The following ABCC1 variants were observed in gnomAD, a reference collection of about 807,000 sequenced individuals.
ABCC1 encodes the protein multidrug resistance-associated protein 1.
ABCC1 carries 83 observed loss-of-function variants against 172.9 expected under a neutral mutation model. The observed-to-expected ratio is 0.48, with a 90% CI of 0.40 to 0.58. ABCC1 has a LOEUF of 0.58. Among genes scored for constraint, ABCC1 ranks in the 20% least tolerant of loss-of-function variants. The pLI is 0.00. For synonymous variants in ABCC1, 937 were observed against 825.2 expected (o/e 1.14, Z -2.32); for missense variants, 1,817 against 2,002.7 (o/e 0.91, Z 1.77).
intron 22 of ABCC1, among the ~76,000 whole-genome samples, chr16:16,112,417 A>G (rs927704760): frequency 6.6e-6 from 1 of 151,770 alleles, no homozygotes; most frequent in Non-Finnish European, 1.5e-5. Context: ...GTGTGGTCCT[A>G]TGGGAGTCCT....
chr16:16,038,043 A>AGGATGGATGGATGGAT (rs150697316), intron 7 of ABCC1, among the ~76,000 whole-genome samples: 3,964 of 151,696 alleles, frequency 0.026, 160 homozygotes, highest in African/African-American at 0.089. Flanking sequence ...CAGAACTAGT[A>AGGATGGATGGATGGAT]GGATGGATGG....
intron 1 of ABCC1, among the ~76,000 whole-genome samples, chr16:15,975,754 C>G (rs2046474887): frequency 6.6e-6 from 1 of 151,712 alleles, no homozygotes; most frequent in African/African-American, 2.4e-5. Context: ...CGGGGTTTCT[C>G]CATGTTGGTA....
Position 16,124,929 on chromosome 16 carries a change from C to G in ABCC1, c.3717+14C>G. On this transcript the variant is annotated intron_variant, in intron 25 of 30. Coordinates refer to ENST00000399410, the MANE Select transcript of ABCC1 (RefSeq NM_004996.4). ...TACTCATTGCAGGTAAGAGGGGATG[C>G]TCTTGGCTGGATTATTAAAGTCTGT... 1 of 1,614,108 alleles carries G rather than the reference C, an allele frequency of 6.2e-7. No homozygotes were observed. Among genetic ancestry groups the G allele is most frequent in the Non-Finnish European group, 8.5e-7 (1 of 1,180,020 alleles).
At chr16:16,087,455 C>G (rs2051055663) in intron 18 of ABCC1, among the ~76,000 whole-genome samples, 1 of 151,752 alleles carries the variant, frequency 6.6e-6, no homozygotes, top group South Asian at 2.1e-4. Context: ...TTTTTTTTCT[C>G]CCCCTGATTT....
At chr16:16,061,936 GC>G (rs2049934938) in intron 12 of ABCC1, among the ~76,000 whole-genome samples, 3 of 151,892 alleles carry the variant, frequency 2.0e-5, no homozygotes, top group Admixed American at 2.0e-4. Context: ...ACCATGCCCA[GC>G]TAATTTCTGT....
chr16:16,134,888 C>T (rs958768886), intron 28 of ABCC1, among the ~76,000 whole-genome samples: 3 of 152,142 alleles, frequency 2.0e-5, no homozygotes, highest in Non-Finnish European at 1.5e-5. Flanking sequence ...GCAATCCACC[C>T]ACCTTGGCCT....
intron 29 of ABCC1, 49 bp downstream of exon 29, chr16:16,136,693 A>T: frequency 6.3e-7 from 1 of 1,593,054 alleles, no homozygotes; most frequent in Non-Finnish European, 8.6e-7. Flanking sequence ...CCTAGGCGCC[A>T]TCTCGGTAGG....
intron 18 of ABCC1, among the ~76,000 whole-genome samples, chr16:16,087,329 G>T (rs1158540712): frequency 7.2e-5 from 11 of 152,190 alleles, no homozygotes; most frequent in Admixed American, 7.2e-4. Flanking sequence ...TTTCTTACTT[G>T]CAGAGGTGTC....
At position 16,138,350 on chromosome 16, in the gene ABCC1, T is replaced by G; in HGVS notation, c.4293-14T>G. 1 of 1,569,822 alleles carries G rather than the reference T, an allele frequency of 6.4e-7. No individual in the cohort carries two copies. Among genetic ancestry groups the G allele is most frequent in the Non-Finnish European group, 8.7e-7 (1 of 1,147,702 alleles). On this transcript the variant is annotated splice_polypyrimidine_tract_variant and intron_variant, in intron 29 of 30. Coordinates refer to ENST00000399410, the MANE Select transcript of ABCC1 (RefSeq NM_004996.4). ...GACCCAACACTATCTCCTGGTTTTT[T>G]TCTTCCGGTCAAGTGTCGGGCAGCG...
chr16:16,044,564 G>C lies in ABCC1; in HGVS notation c.924G>C (p.Glu308Asp), dbSNP rs1177695277. 7.4e-6 allele frequency: 12 copies of C among 1,614,194 alleles called. No individual in the cohort carries two copies. In the East Asian group the frequency reaches 1.1e-4, roughly 15 times the overall value. Residue 308 changes from glutamate to aspartate, a missense_variant, in exon 8 of 31, where the codon GAG (glutamate) becomes GAC (aspartate). Around this residue, in one of 3 missense-constraint regions of ABCC1, gnomAD observed 398 missense variants for 384.2 expected, o/e 1.04. Coordinates refer to ENST00000399410, the MANE Select transcript of ABCC1 (RefSeq NM_004996.4). ...EALIVKSPQK[E>D]WNPSLFKVLY... ...TGATCGTCAAGTCCCCACAGAAGGA[G>C]TGGAACCCCTCTCTGTTTAAGGTGT...
At chr16:16,093,907 CCT>C (rs1223541293) in intron 19 of ABCC1, among the ~76,000 whole-genome samples, 2 of 151,208 alleles carry the variant, frequency 1.3e-5, no homozygotes, top group African/African-American at 4.9e-5. Flanking sequence ...GCCATACCGA[CCT>C]CTCTCCCGGG....
intron 1 of ABCC1, among the ~76,000 whole-genome samples, chr16:15,999,858 C>CTTTCTTTCTTTCT (rs2047223892): frequency 2.3e-5 from 1 of 43,270 alleles, no homozygotes; most frequent in Non-Finnish European, 8.1e-5. Context: ...TTCTTTCTTT[C>CTTTCTTTCTTTCT]TTTCTTTCTT....
intron 19 of ABCC1, 93 bp downstream of exon 19, chr16:16,090,681 GA>G: frequency 7.2e-7 from 1 of 1,381,810 alleles, no homozygotes; most frequent in Non-Finnish European, 9.6e-7. Flanking sequence ...GCCACTTGGG[GA>G]AGGCGGCTCC....
At chr16:15,989,967 C>CT (rs2046821273) in intron 1 of ABCC1, among the ~76,000 whole-genome samples, 1 of 151,804 alleles carries the variant, frequency 6.6e-6, no homozygotes, top group Admixed American at 6.6e-5. Flanking sequence ...GCTTCCCACT[C>CT]CTGGGCTCAA....
chr16:16,125,548 C>T (rs1344867338), intron 25 of ABCC1, among the ~76,000 whole-genome samples: 1 of 151,996 alleles, frequency 6.6e-6, no homozygotes, highest in Non-Finnish European at 1.5e-5. Flanking sequence ...TCTGCCTCAG[C>T]CTCCCAAATA....
At chr16:16,023,022 C>T (rs962842847) in intron 5 of ABCC1, among the ~76,000 whole-genome samples, 8 of 152,128 alleles carry the variant, frequency 5.3e-5, no homozygotes, top group African/African-American at 1.7e-4. Flanking sequence ...AATGATCTTC[C>T]CGCTTCTGCC....
At chr16:15,978,225 TTGGTGGCATGCACTTG>T (rs1339993436) in intron 1 of ABCC1, among the ~76,000 whole-genome samples, 1 of 151,878 alleles carries the variant, frequency 6.6e-6, no homozygotes, top group Non-Finnish European at 1.5e-5. Context: ...TTAGCTAGGT[TTGGTGGCATGCACTTG>T]TGGTTCTAAC....
chr16:16,094,156 GC>G, intron 19 of ABCC1: 1 of 234,240 alleles, frequency 4.3e-6, no homozygotes, highest in Non-Finnish European at 8.7e-6. Flanking sequence ...TCTGGATGTG[GC>G]AGAGTGAGCT....
intron 14 of ABCC1, among the ~76,000 whole-genome samples, chr16:16,072,686 G>T (rs182975677): frequency 1.6e-4 from 25 of 151,782 alleles, no homozygotes; most frequent in Admixed American, 7.2e-4. Context: ...TTAATTTATC[G>T]TTTCCCAGCC....
Sources: allele counts gnomAD v4.1 joint callset (sites outside exome capture counted in the v4.1 genomes callset), GRCh38; gene constraint gnomAD v4.1.1; regional missense constraint gnomAD v4.1.1; transcripts MANE v1.5; gene names NCBI Gene and HGNC (gene_info 2026-07-23, HGNC 2026-07-21).